The following LRMDA variants were observed in gnomAD, a reference collection of about 807,000 sequenced individuals.
LRMDA encodes leucine rich melanocyte differentiation associated.
Under a neutral mutation model 29.8 loss-of-function variants are expected in LRMDA, and 18 were observed. That is an observed-to-expected ratio of 0.60 (90% confidence interval 0.42 to 0.90). The LOEUF (loss-of-function observed/expected upper bound fraction) is 0.90. LRMDA is among the 40% of genes least tolerant of loss of function. LRMDA has a pLI of 0.00. For missense variants in LRMDA, 273 were observed against 273.9 expected (o/e 1.00, Z 0.02); for synonymous variants, 125 against 109.4 (o/e 1.14, Z -0.89).
chr10:75,872,222 T>C lies in LRMDA; in HGVS notation c.132-163786T>C, dbSNP rs186690860. On this transcript the variant is annotated intron_variant, in intron 2 of 6. Coordinates refer to ENST00000611255, the MANE Select transcript of LRMDA (RefSeq NM_001305581.2). ...TACATGGTTCCTTAATAAATGTTGG[T>C]TGAAAGACTGAGAGAACATCTCATT... 5.6e-4 allele frequency among the ~76,000 whole-genome samples: 85 copies of C among 152,336 alleles called. No individual in the cohort carries two copies. The Middle Eastern group carries it at 0.01, about 18-fold the overall frequency.
At chr10:76,156,428 T>C (rs1227749482) in intron 5 of LRMDA, among the ~76,000 whole-genome samples, 4 of 152,140 alleles carry the variant, frequency 2.6e-5, no homozygotes, top group Non-Finnish European at 4.4e-5. Context: ...CATTATTCTT[T>C]CCAAACAGTG....
intron 2 of LRMDA, among the ~76,000 whole-genome samples, chr10:75,959,393 A>G (rs1285762269): frequency 6.6e-6 from 1 of 152,182 alleles, no homozygotes; most frequent in Non-Finnish European, 1.5e-5. Flanking sequence ...AGCATACCAC[A>G]TGTATAAGTC....
intron 5 of LRMDA, among the ~76,000 whole-genome samples, chr10:76,288,809 A>G (rs1840304249): frequency 6.6e-6 from 1 of 152,200 alleles, no homozygotes; most frequent in Admixed American, 6.5e-5. Context: ...AGATTCTTGG[A>G]AAATTGCTTG....
chr10:75,721,236 T>C (rs1842563106), intron 2 of LRMDA, among the ~76,000 whole-genome samples: 2 of 152,174 alleles, frequency 1.3e-5, no homozygotes, highest in Non-Finnish European at 2.9e-5. Context: ...AGCTTTCTGC[T>C]CTGAGCATCT....
intron 6 of LRMDA, among the ~76,000 whole-genome samples, chr10:76,346,888 C>A (rs914477912): frequency 2.0e-5 from 3 of 152,162 alleles, no homozygotes; most frequent in Admixed American, 2.0e-4. Flanking sequence ...CTCCCCAATA[C>A]AATACACAAC....
At chr10:76,548,221 T>C (rs1843445155) in intron 6 of LRMDA, among the ~76,000 whole-genome samples, 1 of 152,180 alleles carries the variant, frequency 6.6e-6, no homozygotes, top group Admixed American at 6.5e-5. Flanking sequence ...TTTTCTCCGC[T>C]GTAAAATGAA....
At chr10:76,001,574 TATA>T (rs1378192316) in intron 2 of LRMDA, among the ~76,000 whole-genome samples, 1 of 152,178 alleles carries the variant, frequency 6.6e-6, no homozygotes, top group Non-Finnish European at 1.5e-5. Flanking sequence ...GACTGATGAA[TATA>T]ATGTTTCTTT....
intron 6 of LRMDA, among the ~76,000 whole-genome samples, chr10:76,380,670 T>TAAAAA (rs531185581): frequency 1.5e-4 from 8 of 54,746 alleles, no homozygotes; most frequent in Non-Finnish European, 2.6e-4. Flanking sequence ...CTCCACTTCA[T>TAAAAA]AAAAAAAAAA....
At chr10:76,220,874 A>G (rs1851820005) in intron 5 of LRMDA, among the ~76,000 whole-genome samples, 1 of 152,206 alleles carries the variant, frequency 6.6e-6, no homozygotes, top group South Asian at 2.1e-4. Flanking sequence ...AATCCTCAAT[A>G]AAATACTGGC....
chr10:75,441,766 C>CTT (rs372042552), intron 2 of LRMDA, among the ~76,000 whole-genome samples: 157 of 146,040 alleles, frequency 1.1e-3, no homozygotes, highest in African/African-American at 3.9e-3. Context: ...GGCTTTCTTT[C>CTT]TTTTTTTTTT....
chr10:76,484,677 A>T (rs888007426), intron 6 of LRMDA, among the ~76,000 whole-genome samples: 4 of 151,966 alleles, frequency 2.6e-5, no homozygotes, highest in African/African-American at 7.2e-5. Context: ...AGTTTTCTGT[A>T]AATTCTATTA....
chr10:75,533,625 C>T (rs767371044), intron 2 of LRMDA, among the ~76,000 whole-genome samples: 1 of 152,156 alleles, frequency 6.6e-6, no homozygotes, highest in South Asian at 2.1e-4. Context: ...TGCAAGAGGA[C>T]ATCACTTTCT....
At chr10:75,537,694 T>C (rs1839966229) in intron 2 of LRMDA, among the ~76,000 whole-genome samples, 2 of 152,150 alleles carry the variant, frequency 1.3e-5, no homozygotes, top group Admixed American at 6.5e-5. Context: ...GGGGAGAGCA[T>C]TTGCATTCAT....
intron 2 of LRMDA, among the ~76,000 whole-genome samples, chr10:75,550,565 C>A (rs1840130050): frequency 6.6e-6 from 1 of 151,934 alleles, no homozygotes; most frequent in South Asian, 2.1e-4. Flanking sequence ...TAATGAATTT[C>A]TTTTAGAGAG....
intron 6 of LRMDA, chr10:76,470,459 C>T (rs1432418721): frequency 6.6e-6 from 1 of 152,056 alleles, no homozygotes; most frequent in African/African-American, 2.4e-5. Flanking sequence ...ATGTTCATAG[C>T]AGCCTTATTC....
At chr10:75,463,087 T>C (rs1334547290) in intron 2 of LRMDA, among the ~76,000 whole-genome samples, 1 of 152,194 alleles carries the variant, frequency 6.6e-6, no homozygotes, top group Non-Finnish European at 1.5e-5. Flanking sequence ...GCAGCGGATC[T>C]GAGGGTGGAG....
At chr10:76,324,021 A>G (rs959624442) in intron 5 of LRMDA, among the ~76,000 whole-genome samples, 2 of 152,178 alleles carry the variant, frequency 1.3e-5, no homozygotes, top group Non-Finnish European at 2.9e-5. Flanking sequence ...CCTCTTCACT[A>G]GTATCCAAAG....
At chr10:76,410,818 G>A (rs770632865) in intron 6 of LRMDA, among the ~76,000 whole-genome samples, 3 of 152,228 alleles carry the variant, frequency 2.0e-5, no homozygotes, top group Admixed American at 6.5e-5. Context: ...TCCAGGCATG[G>A]TGGTGAGCGC....
intron 6 of LRMDA, among the ~76,000 whole-genome samples, chr10:76,453,216 T>C (rs1842424383): frequency 1.3e-5 from 2 of 150,678 alleles, no homozygotes; most frequent in African/African-American, 5.0e-5. Flanking sequence ...CATTGACTCT[T>C]TTAATCAGGC....
Sources: allele counts gnomAD v4.1 joint callset (sites outside exome capture counted in the v4.1 genomes callset), GRCh38; gene constraint gnomAD v4.1.1; transcripts MANE v1.5; gene names NCBI Gene and HGNC (gene_info 2026-07-23, HGNC 2026-07-21).